The following RELN variants were observed in gnomAD, a reference collection of about 807,000 sequenced individuals.
RELN encodes reelin.
In RELN, 108 loss-of-function variants were observed where a neutral mutation model predicts 427.6. That is an observed-to-expected ratio of 0.25 (90% CI 0.22 to 0.30). The LOEUF is 0.30. Among genes scored for constraint, RELN ranks in the 10% least tolerant of loss-of-function variants. The pLI is 1.00. For missense variants in RELN, 3,715 were observed against 4,302.8 expected (o/e 0.86, Z 3.82); for synonymous variants, 1,524 against 1,513.4 (o/e 1.01, Z -0.16).
At chr7:103,635,398 C>A in intron 19 of RELN, 27 bp downstream of exon 19, 4 of 1,612,086 alleles carry the variant, frequency 2.5e-6, no homozygotes, top group Non-Finnish European at 3.4e-6. Flanking sequence ...ACTCTACAAC[C>A]ATTTTTCCAA....
At chr7:103,730,328 C>A (rs1790322509) in intron 6 of RELN, among the ~76,000 whole-genome samples, 1 of 151,786 alleles carries the variant, frequency 6.6e-6, no homozygotes, top group South Asian at 2.1e-4. Context: ...ATTACAAGCC[C>A]CCTCCTTCCA....
chr7:103,861,124 GT>G (rs1221277504), intron 2 of RELN, among the ~76,000 whole-genome samples: 1 of 150,714 alleles, frequency 6.6e-6, no homozygotes, highest in East Asian at 1.9e-4. Flanking sequence ...TAAAATAATA[GT>G]TTCTTTTTTT....
chr7:103,706,100 T>C (rs547699470), intron 8 of RELN, among the ~76,000 whole-genome samples: 2 of 152,288 alleles, frequency 1.3e-5, no homozygotes, highest in East Asian at 1.9e-4. Context: ...CCCTACTCTT[T>C]ACTGGACATG....
chr7:103,622,661 A>G (rs1257669504), intron 20 of RELN, among the ~76,000 whole-genome samples: 1 of 152,010 alleles, frequency 6.6e-6, no homozygotes, highest in Non-Finnish European at 1.5e-5. Context: ...ACTTTTACAT[A>G]GTTGTTTCTT....
intron 8 of RELN, among the ~76,000 whole-genome samples, chr7:103,708,695 C>T (rs553706378): frequency 2.0e-5 from 3 of 151,964 alleles, no homozygotes; most frequent in Non-Finnish European, 4.4e-5. Flanking sequence ...GATCTCCTGA[C>T]CTCGTGATCC....
At chr7:103,666,416 C>G (rs938215406) in intron 11 of RELN, among the ~76,000 whole-genome samples, 1 of 152,018 alleles carries the variant, frequency 6.6e-6, no homozygotes, top group East Asian at 1.9e-4. Context: ...CTCATAGTAC[C>G]CTCTTCTTTC....
At chr7:103,651,626 C>G (rs1360705115) in intron 15 of RELN, 35 bp downstream of exon 15, 1 of 1,599,012 alleles carries the variant, frequency 6.3e-7, no homozygotes, top group South Asian at 1.1e-5. Context: ...AACATGGATT[C>G]AAGTATTTCA....
chr7:103,615,007 T>C (rs1437109031), intron 20 of RELN, among the ~76,000 whole-genome samples: 1 of 152,058 alleles, frequency 6.6e-6, no homozygotes, highest in Non-Finnish European at 1.5e-5. Flanking sequence ...AATCAAGACA[T>C]ATTTATAAAG....
chr7:103,477,138 T>C (rs911674633), intron 64 of RELN, among the ~76,000 whole-genome samples: 2 of 152,012 alleles, frequency 1.3e-5, no homozygotes, highest in Non-Finnish European at 2.9e-5. Flanking sequence ...GCCAAGGGAG[T>C]TTAGGGACTT....
Position 103,640,650 on chromosome 7 carries a change from A to G in RELN, c.2003-41T>C. On this transcript the variant is annotated intron_variant, in intron 16 of 64. Transcript: ENST00000428762. This position sits in a 1 kb window ranked among gnomAD's most constrained non-coding sequence, Gnocchi z 4.1. The stretch of plus-strand genomic sequence containing the variant: ...AGAGAACATAATTACAAAAACATAG[A>G]ACACTACCAGTACAATTTTGTGAAG... 2 of 1,597,852 alleles carry G rather than the reference A, an allele frequency of 1.3e-6. No individual in the cohort carries two copies. The highest frequency in any genetic ancestry group is 8.6e-7 in the Non-Finnish European group (1 of 1,166,810).
rs547550317 is a variant in RELN at position 103,557,482 on chromosome 7, A to C, written c.5615-323T>G. ...GCATCACGATTTTACAAAGGGTCAA[A>C]CATTTAAATCTCAGGATATAAACAG... On this transcript the variant is annotated intron_variant, in intron 37 of 64. Transcript: ENST00000428762. Among the ~76,000 whole-genome samples, 3 of 152,318 alleles carry C rather than the reference A, an allele frequency of 2.0e-5. No individual in the cohort carries two copies. In the East Asian group the frequency reaches 5.8e-4, roughly 29 times the overall value.
intron 60 of RELN, among the ~76,000 whole-genome samples, chr7:103,487,603 C>T (rs991998616): frequency 3.9e-5 from 6 of 152,094 alleles, no homozygotes; most frequent in East Asian, 1.9e-4. Context: ...TGCTCATGTC[C>T]GTATTTGCCG....
Position 103,872,068 on chromosome 7 carries a change from A to AT in RELN, c.338-38397dup, listed in dbSNP as rs1329334785. Among the ~76,000 whole-genome samples, 847 of 120,838 alleles carry AT rather than the reference A, an allele frequency of 7.0e-3. 7 individuals are homozygous for AT. Among genetic ancestry groups the AT allele is most frequent in the African/African-American group, 0.024 (790 of 32,604 alleles). The allele number at this position is 120,838 out of a possible 152,430, so 79.3% of individuals were successfully genotyped here. A position where few individuals can be genotyped will look rare whatever the true frequency, so the allele number is the denominator to read the frequency against. On this transcript the variant is annotated intron_variant, in intron 2 of 64. Coordinates refer to ENST00000428762, the MANE Select transcript of RELN (RefSeq NM_005045.4). ...CTTTTTTTTCTTTTTTTATTTATTT[A>AT]TTTTTTTATTATACTTTAAGTTTTA...
chr7:103,987,919 AG>A (rs1797137019), intron 1 of RELN, among the ~76,000 whole-genome samples: 2 of 152,246 alleles, frequency 1.3e-5, no homozygotes, highest in Non-Finnish European at 2.9e-5. Flanking sequence ...ACGTTTATTT[AG>A]GCTAAATATT....
chr7:103,743,433 G>A (rs1342558241), intron 6 of RELN, among the ~76,000 whole-genome samples: 3 of 152,072 alleles, frequency 2.0e-5, no homozygotes, highest in Admixed American at 1.3e-4. Context: ...AAATGTAAAC[G>A]GGCTAAATGC....
intron 20 of RELN, among the ~76,000 whole-genome samples, chr7:103,627,504 A>G (rs1173573013): frequency 6.6e-6 from 1 of 152,100 alleles, no homozygotes; most frequent in African/African-American, 2.4e-5. Context: ...AAATAGGAAC[A>G]GTTTGAGATC....
At chr7:103,616,278 A>G (rs1267962551) in intron 20 of RELN, among the ~76,000 whole-genome samples, 1 of 152,184 alleles carries the variant, frequency 6.6e-6, no homozygotes, top group East Asian at 1.9e-4. Context: ...TTGTTTTGAT[A>G]CCATTCAGAA....
At chr7:103,946,788 T>G (rs554539073) in intron 1 of RELN, among the ~76,000 whole-genome samples, 1 of 152,282 alleles carries the variant, frequency 6.6e-6, no homozygotes, top group South Asian at 2.1e-4. Context: ...TCTTGACACA[T>G]TTGTCTCAGA....
At chr7:103,878,561 G>A (rs1322465796) in intron 2 of RELN, among the ~76,000 whole-genome samples, 1 of 152,100 alleles carries the variant, frequency 6.6e-6, no homozygotes, top group Non-Finnish European at 1.5e-5. Flanking sequence ...GCTGACTAGA[G>A]GTGTGTGAAT....
Sources: gnomAD v4.1 joint callset for allele counts (sites outside exome capture counted in the v4.1 genomes callset) on GRCh38, gnomAD v4.1.1 for gene constraint, Gnocchi (gnomAD v3.1) non-coding constraint, MANE v1.5 for transcripts, NCBI Gene and HGNC (gene_info 2026-07-23, HGNC 2026-07-21) for gene names.